VPS33A: variants seen among roughly 807,000 people sequenced by gnomAD.
VPS33A encodes the protein VPS33A core subunit of CORVET and HOPS complexes, also known as vacuolar protein sorting-associated protein 33A.
In VPS33A, 32 loss-of-function variants were observed where a neutral mutation model predicts 71.8. The observed-to-expected ratio is 0.45, with a 90% CI of 0.34 to 0.60. The LOEUF is 0.60. Ranked by LOEUF, VPS33A falls within the 20% of genes least tolerant of loss-of-function variation. The pLI is 0.02. For synonymous variants in VPS33A, 311 were observed against 292.7 expected (o/e 1.06, Z -0.64); for missense variants, 625 against 748.5 (o/e 0.84, Z 1.92).
At chr12:122,245,686 G>C (rs1954768053) in intron 6 of VPS33A, among the ~76,000 whole-genome samples, 1 of 152,066 alleles carries the variant, frequency 6.6e-6, no homozygotes, top group Admixed American at 6.6e-5. Context: ...CTTCAGGTGA[G>C]CCACCCTCCT....
At chr12:122,262,128 T>C (rs1955003026) in intron 3 of VPS33A, among the ~76,000 whole-genome samples, 1 of 152,062 alleles carries the variant, frequency 6.6e-6, no homozygotes, top group Non-Finnish European at 1.5e-5. Context: ...GAGGCAGAGG[T>C]TGCAGTGAGC....
intron 1 of VPS33A, 68 bp downstream of exon 1, chr12:122,266,239 C>T: frequency 5.1e-6 from 8 of 1,573,406 alleles, no homozygotes; most frequent in Non-Finnish European, 6.9e-6. Flanking sequence ...CTCAGGCGGT[C>T]AGGGAACGGA....
intron 4 of VPS33A, among the ~76,000 whole-genome samples, chr12:122,254,503 A>G (rs1954889455): frequency 6.7e-6 from 1 of 149,432 alleles, no homozygotes. Context: ...CCTGGGCTCA[A>G]GTGATTCTCC....
chr12:122,254,405 CTTTT>C (rs10571356), intron 4 of VPS33A, among the ~76,000 whole-genome samples: 3 of 110,184 alleles, frequency 2.7e-5, no homozygotes, highest in Admixed American at 9.4e-5. Context: ...ACCCCCCCGC[CTTTT>C]TTTTTTTTTT....
At chr12:122,237,814 CTAT>C (rs1954651125) in intron 10 of VPS33A, among the ~76,000 whole-genome samples, 1 of 150,938 alleles carries the variant, frequency 6.6e-6, no homozygotes, top group Admixed American at 6.6e-5. Context: ...GAAATGTTAC[CTAT>C]TATTATTATT....
chr12:122,247,499 AT>A (rs1282330263), intron 6 of VPS33A, among the ~76,000 whole-genome samples: 1 of 152,074 alleles, frequency 6.6e-6, no homozygotes, highest in Non-Finnish European at 1.5e-5. Flanking sequence ...TAAAGGTGCC[AT>A]TTTTTTGACA....
chr12:122,239,749 C>CAAA (rs5801475), intron 9 of VPS33A, 129 bp downstream of exon 9: 2,067 of 197,600 alleles, frequency 0.01, 145 homozygotes, highest in Non-Finnish European at 0.012. Context: ...GACTCCGTCT[C>CAAA]AAAAAAAAAA....
intron 10 of VPS33A, among the ~76,000 whole-genome samples, chr12:122,236,317 G>A (rs750555749): frequency 6.6e-6 from 1 of 152,040 alleles, no homozygotes; most frequent in Non-Finnish European, 1.5e-5. Context: ...AAAATAACAT[G>A]TAGAGTAGGA....
Position 122,238,996 on chromosome 12 carries a change from TACACACAC to T in VPS33A, c.1165-280_1165-273del, listed in dbSNP as rs68026867. On this transcript the variant is annotated intron_variant, in intron 9 of 12. Coordinates refer to ENST00000267199, the MANE Select transcript of VPS33A (RefSeq NM_022916.6). Reference sequence around the variant, plus strand: ...CACACCCCACACACACATACATACATACACACACACACACACACACACACACCCCCCAG... The same window carrying T: ...CACACCCCACACACACATACATACATACACACACACACACACACCCCCCAG... Among the ~76,000 whole-genome samples, 18 of 137,198 alleles carry T rather than the reference TACACACAC, an allele frequency of 1.3e-4. No homozygotes were observed. The East Asian group carries it at 1.6e-3, about 12-fold the overall frequency. 90.0% of individuals were successfully genotyped at this position (137,198 alleles called of 152,430 possible). A position where few individuals can be genotyped will look rare whatever the true frequency, so the allele number is the denominator to read the frequency against.
intron 4 of VPS33A, among the ~76,000 whole-genome samples, chr12:122,254,263 C>T (rs762131094): frequency 3.9e-5 from 6 of 152,122 alleles, no homozygotes; most frequent in Admixed American, 6.6e-5. Context: ...CACAGAAATA[C>T]GATTAACGTC....
rs142685620 is a variant in VPS33A at position 122,262,752 on chromosome 12, T to C, written c.296+820A>G. ...TTAAAGAATGGGTAGCTTTTGGCTA[T>C]CTTGAAAGAATGGGTAGATAGGATG... On this transcript the variant is annotated intron_variant, in intron 3 of 12. Coordinates refer to ENST00000267199, the MANE Select transcript of VPS33A (RefSeq NM_022916.6). Among the ~76,000 whole-genome samples the C allele has an allele frequency of 1.4e-3, 220 of 152,184 alleles. 5 individuals are homozygous for C. The East Asian group carries it at 0.038, about 26-fold the overall frequency.
intron 4 of VPS33A, among the ~76,000 whole-genome samples, chr12:122,259,398 T>C (rs75814761): frequency 3.9e-5 from 6 of 152,060 alleles, no homozygotes; most frequent in African/African-American, 1.5e-4. Context: ...TTTGTATTTT[T>C]AGTAGAGACG....
In VPS33A at chr12:122,249,872, G is replaced by T; in HGVS notation, c.774C>A (p.Asn258Lys). The change falls in exon 6 of 13, where the codon AAC (asparagine) becomes AAA (lysine). Residue 258 changes from asparagine (N) to lysine (K), a missense_variant and splice_region_variant. Asn to Lys is a moderately conservative substitution (Grantham distance 94). Transcript: ENST00000267199. ...GLIDEIYGIQ[N>K]SYVKLPPEKF... Reference sequence around the variant, plus strand: ...TGAAAACAGATGTCATGTACTTACTGTTCTGAATGCCATAAATTTCATCAA... The same window carrying T: ...TGAAAACAGATGTCATGTACTTACTTTTCTGAATGCCATAAATTTCATCAA... 1 of 1,612,728 alleles carries T rather than the reference G, an allele frequency of 6.2e-7. No homozygotes were observed.
intron 4 of VPS33A, among the ~76,000 whole-genome samples, chr12:122,258,178 T>C (rs528846971): frequency 6.6e-6 from 1 of 151,930 alleles, no homozygotes; most frequent in South Asian, 2.1e-4. Context: ...TTGCCTGAGC[T>C]CAGGAGTGTG....
chr12:122,242,898 C>G (rs1954733850), intron 7 of VPS33A, among the ~76,000 whole-genome samples: 1 of 151,990 alleles, frequency 6.6e-6, no homozygotes, highest in South Asian at 2.1e-4. Flanking sequence ...GAGGATGTTT[C>G]ATTTATATTA....
chr12:122,265,198 G>A (rs949494134), intron 1 of VPS33A, among the ~76,000 whole-genome samples: 1 of 151,836 alleles, frequency 6.6e-6, no homozygotes, highest in Non-Finnish European at 1.5e-5. Flanking sequence ...GGATTACACC[G>A]CACTTCCTAT....
intron 3 of VPS33A, 39 bp from the exon 4 acceptor site, chr12:122,261,486 A>G (rs1954994896): frequency 6.2e-7 from 1 of 1,603,164 alleles, no homozygotes; most frequent in African/African-American, 1.4e-5. Flanking sequence ...ATGAGCTCCT[A>G]AGAGTCATGG....
intron 4 of VPS33A, among the ~76,000 whole-genome samples, chr12:122,254,317 G>A (rs1954885621): frequency 6.6e-6 from 1 of 151,980 alleles, no homozygotes; most frequent in Non-Finnish European, 1.5e-5. Flanking sequence ...TAGGCTCTTA[G>A]GTCGAAGCTC....
chr12:122,239,527 G>C (rs956167844), intron 9 of VPS33A, among the ~76,000 whole-genome samples: 1 of 152,144 alleles, frequency 6.6e-6, no homozygotes, highest in Non-Finnish European at 1.5e-5. Context: ...CAAGGTCGGA[G>C]ATCGAGACCA....
Sources: allele counts gnomAD v4.1 joint callset (sites outside exome capture counted in the v4.1 genomes callset), GRCh38; gene constraint gnomAD v4.1.1; transcripts MANE v1.5; gene names NCBI Gene and HGNC (gene_info 2026-07-23, HGNC 2026-07-21).